The following HIBCH variants were observed in gnomAD, a reference collection of about 807,000 sequenced individuals.
HIBCH encodes the protein 3-hydroxyisobutyryl-CoA hydrolase, also known as 3-hydroxyisobutyryl-CoA hydrolase, mitochondrial.
Under a neutral mutation model 58.2 loss-of-function variants are expected in HIBCH, and 50 were observed. The observed-to-expected ratio is 0.86, with a 90% CI of 0.68 to 1.09. The LOEUF is 1.09. HIBCH is among the 50% of genes least tolerant of loss of function. HIBCH has a pLI of 0.00. For missense variants in HIBCH, 450 were observed against 449.7 expected (o/e 1.00, Z -0.01); for synonymous variants, 151 against 146.9 (o/e 1.03, Z -0.20).
intron 2 of HIBCH, among the ~76,000 whole-genome samples, chr2:190,299,863 TTG>T (rs1352023036): frequency 3.3e-5 from 5 of 152,114 alleles, no homozygotes; most frequent in Admixed American, 6.6e-5. Flanking sequence ...GTTTTCCTCT[TTG>T]TGTCCATGTG....
At chr2:190,269,802 G>A (rs1407239012) in intron 6 of HIBCH, among the ~76,000 whole-genome samples, 1 of 152,134 alleles carries the variant, frequency 6.6e-6, no homozygotes, top group Non-Finnish European at 1.5e-5. Context: ...GTTCACAATA[G>A]CAAAGAGTTG....
At chr2:190,208,971 T>A (rs1210999369) in intron 12 of HIBCH, 58 bp from the exon 13 acceptor site, 1 of 1,480,422 alleles carries the variant, frequency 6.8e-7, no homozygotes, top group Non-Finnish European at 9.4e-7. Context: ...TTCTGGGTTA[T>A]TTTCTCTCTC....
chr2:190,309,574 T>A (rs78052889), intron 2 of HIBCH, among the ~76,000 whole-genome samples: 1 of 151,612 alleles, frequency 6.6e-6, no homozygotes, highest in Non-Finnish European at 1.5e-5. Context: ...TTTTTTTTTT[T>A]AAGACAGAGT....
chr2:190,316,003 T>C (rs1688703010), intron 1 of HIBCH, among the ~76,000 whole-genome samples: 1 of 152,184 alleles, frequency 6.6e-6, no homozygotes, highest in Non-Finnish European at 1.5e-5. Flanking sequence ...TTATGCCACA[T>C]GCATGTACAA....
chr2:190,302,940 T>G (rs1688305861), intron 2 of HIBCH, among the ~76,000 whole-genome samples: 1 of 152,216 alleles, frequency 6.6e-6, no homozygotes, highest in African/African-American at 2.4e-5. Flanking sequence ...CAACATGGCT[T>G]TTCATGGTAG....
At chr2:190,311,345 T>C (rs1688553219) in intron 1 of HIBCH, among the ~76,000 whole-genome samples, 1 of 152,228 alleles carries the variant, frequency 6.6e-6, no homozygotes, top group African/African-American at 2.4e-5. Context: ...ATCTGTATGA[T>C]ACTGTAATGG....
Position 190,217,934 on chromosome 2 carries a change from TATG to T in HIBCH, c.892-4862_892-4860del, listed in dbSNP as rs1288673667. ...ACTCTAAGGAAAACCTAAAGGAAGC[TATG>T]AGCAGGCTCCGTCATTGGGGGTGGA... On this transcript the variant is annotated intron_variant, in intron 11 of 13. Transcript: ENST00000359678. The surrounding 1 kb of genome is among the most constrained non-coding windows in gnomAD (Gnocchi z 4.6). Among the ~76,000 whole-genome samples the T allele has an allele frequency of 6.6e-6, 1 of 152,126 alleles. No individual in the cohort carries two copies. The highest frequency in any genetic ancestry group is 1.5e-5 in the Non-Finnish European group (1 of 68,016).
At chr2:190,268,113 T>C (rs1378915193) in intron 6 of HIBCH, among the ~76,000 whole-genome samples, 1 of 152,182 alleles carries the variant, frequency 6.6e-6, no homozygotes, top group African/African-American at 2.4e-5. Context: ...AGATACAGAC[T>C]CACAGGGCAT....
intron 6 of HIBCH, among the ~76,000 whole-genome samples, chr2:190,277,856 T>C (rs187218630): frequency 6.6e-6 from 1 of 152,198 alleles, no homozygotes; most frequent in Non-Finnish European, 1.5e-5. Flanking sequence ...TCACTGCTCA[T>C]GCTGCAAGGT....
chr2:190,318,456 T>C (rs1022140591), intron 1 of HIBCH, among the ~76,000 whole-genome samples: 1 of 152,118 alleles, frequency 6.6e-6, no homozygotes, highest in African/African-American at 2.4e-5. Context: ...TATACAGTTG[T>C]GGGTTAGGGT....
At chr2:190,196,224 T>G (rs1689970319) in intron 1 of HIBCH, among the ~76,000 whole-genome samples, 1 of 152,092 alleles carries the variant, frequency 6.6e-6, no homozygotes, top group Non-Finnish European at 1.5e-5. Flanking sequence ...ACTTGCATTA[T>G]CTCTTTAGTG....
At chr2:190,274,992 T>C (rs2582773) in intron 6 of HIBCH, among the ~76,000 whole-genome samples, 108,223 of 152,130 alleles carry the variant, frequency 0.71, 39,158 homozygotes, top group Non-Finnish European at 0.75. Flanking sequence ...CTCAAAATAA[T>C]CTGCTCAAAA....
Position 190,280,252 on chromosome 2 carries a change from C to A in HIBCH, c.438+7334G>T, listed in dbSNP as rs1391022731. 2.6e-5 allele frequency among the ~76,000 whole-genome samples: 4 copies of A among 152,132 alleles called. No individual in the cohort carries two copies. The East Asian group carries it at 7.7e-4, about 29-fold the overall frequency. On this transcript the variant is annotated intron_variant, in intron 6 of 13. Transcript: ENST00000359678. ...AGTAATCTCCATTCCATGTCTGAAT[C>A]CTGTGCACACTGGGATGGGGTTGGA...
At chr2:190,300,438 T>A (rs1269377017) in intron 2 of HIBCH, among the ~76,000 whole-genome samples, 2 of 152,062 alleles carry the variant, frequency 1.3e-5, no homozygotes, top group African/African-American at 4.8e-5. Flanking sequence ...TTTTTTTTTT[T>A]AATATGTGGT....
In HIBCH at chr2:190,207,889, AT is replaced by A. The variant is rs1379379005; in HGVS notation, c.1045+990del. On this transcript the variant is annotated intron_variant, in intron 13 of 13. Transcript: ENST00000359678. The surrounding 1 kb of genome is among the most constrained non-coding windows in gnomAD (Gnocchi z 4.5). ...GTGTGAGACCCTGTCTCCAAAAAAAATAAAATAAAATAAAAAAAACAAAGGA... is the reference window on the plus strand; with the variant it reads ...GTGTGAGACCCTGTCTCCAAAAAAAAAAAATAAAATAAAAAAAACAAAGGA... Among the ~76,000 whole-genome samples, 1 of 81,722 alleles carries A rather than the reference AT, an allele frequency of 1.2e-5. No homozygotes were observed. Among genetic ancestry groups the A allele is most frequent in the Non-Finnish European group, 2.6e-5 (1 of 38,752 alleles). The allele number at this position is 81,722 out of a possible 152,430, so 53.6% of individuals were successfully genotyped here. A position where few individuals can be genotyped will look rare whatever the true frequency, so the allele number is the denominator to read the frequency against.
In HIBCH at chr2:190,197,200, C is replaced by T. The variant is rs1315162484; in HGVS notation, c.*18-7203G>A. Among the ~76,000 whole-genome samples, 2 of 152,182 alleles carry T rather than the reference C, an allele frequency of 1.3e-5. No individual in the cohort carries two copies. The highest frequency in any genetic ancestry group is 1.9e-4 in the East Asian group (1 of 5,204). ...TTTGGAGAAGCCACAAACATCCTAG[C>T]TCACAAGCCTAAGTCATAGCCCTTT... On this transcript the variant is annotated intron_variant, in intron 1 of 1. Coordinates refer to the HIBCH transcript ENST00000399855. The surrounding 1 kb of genome is among the most constrained non-coding windows in gnomAD (Gnocchi z 4.0).
At chr2:190,260,731 T>C (rs143973207) in intron 7 of HIBCH, among the ~76,000 whole-genome samples, 9 of 152,282 alleles carry the variant, frequency 5.9e-5, no homozygotes, top group African/African-American at 1.7e-4. Context: ...CTTTCAACAG[T>C]TGGTACTGGA....
chr2:190,233,242 A>G (rs760100658), intron 11 of HIBCH, among the ~76,000 whole-genome samples: 2 of 152,180 alleles, frequency 1.3e-5, no homozygotes, highest in Admixed American at 6.5e-5. Flanking sequence ...TAAAATTAAC[A>G]TTTTCTGCTC....
At chr2:190,229,551 G>A (rs1686026804) in intron 11 of HIBCH, among the ~76,000 whole-genome samples, 1 of 152,188 alleles carries the variant, frequency 6.6e-6, no homozygotes, top group Non-Finnish European at 1.5e-5. Flanking sequence ...AAAAGTGTAA[G>A]CAAGCCACAG....
Sources: gnomAD v4.1 joint callset for allele counts (sites outside exome capture counted in the v4.1 genomes callset) on GRCh38, gnomAD v4.1.1 for gene constraint, Gnocchi (gnomAD v3.1) non-coding constraint, MANE v1.5 for transcripts, NCBI Gene and HGNC (gene_info 2026-07-23, HGNC 2026-07-21) for gene names.